The following ZNF503 variants were observed in gnomAD, a reference collection of about 807,000 sequenced individuals.
ZNF503 encodes NocA-like zinc finger 2.
In ZNF503, 15 loss-of-function variants were observed where a neutral mutation model predicts 34.4. The ratio of observed to expected loss-of-function variants is 0.44; its 90% CI spans 0.29 to 0.67. The LOEUF (loss-of-function observed/expected upper bound fraction) is 0.67. Ranked by LOEUF, ZNF503 falls within the 30% of genes least tolerant of loss-of-function variation. The pLI is 0.13. For missense variants in ZNF503, 1,007 were observed against 926.8 expected (o/e 1.09, Z -1.12); for synonymous variants, 580 against 456.8 (o/e 1.27, Z -3.44).
At chr10:75,333,558 C>G in the ZNF503 span, among the ~76,000 whole-genome samples, 99 of 78,838 alleles carry the variant, frequency 1.3e-3, no homozygotes, top group Non-Finnish European at 1.6e-3. Context: ...CCTCACCTCC[C>G]GGACGGGGCA....
the ZNF503 span, among the ~76,000 whole-genome samples, chr10:75,371,993 A>G: frequency 2.0e-5 from 3 of 152,296 alleles, no homozygotes; most frequent in East Asian, 1.9e-4. Flanking sequence ...GCAGTGGCAC[A>G]ATCTCTGCTC....
At chr10:75,299,912 A>G in the ZNF503 span, among the ~76,000 whole-genome samples, 88 of 152,364 alleles carry the variant, frequency 5.8e-4, no homozygotes, top group African/African-American at 2.0e-3. Context: ...CCACAGGACC[A>G]GGTTGAAATT....
chr10:75,359,727 A>G, the ZNF503 span, among the ~76,000 whole-genome samples: 5 of 152,320 alleles, frequency 3.3e-5, no homozygotes, highest in East Asian at 9.6e-4. Context: ...CATTTCAGCC[A>G]TGGGCATTAG....
the ZNF503 span, among the ~76,000 whole-genome samples, chr10:75,322,693 T>C: frequency 6.6e-6 from 1 of 152,046 alleles, no homozygotes; most frequent in East Asian, 1.9e-4. Context: ...ATAAAAAAAT[T>C]AGCTGAGCAT....
At chr10:75,338,427 A>T in the ZNF503 span, 1 of 152,260 alleles carries the variant, frequency 6.6e-6, no homozygotes, top group East Asian at 1.9e-4. Context: ...CAGATAAGTA[A>T]GGAGAAATAT....
the ZNF503 span, among the ~76,000 whole-genome samples, chr10:75,281,823 A>C: frequency 2.0e-5 from 3 of 152,146 alleles, no homozygotes; most frequent in African/African-American, 7.2e-5. Context: ...ACAAAGCACA[A>C]ATTCTCCCCC....
At position 75,399,662 on chromosome 10, in the gene ZNF503, T is replaced by C; in HGVS notation, c.1028A>G (p.Tyr343Cys). The stretch of plus-strand genomic sequence containing the variant: ...AGGGAACACTGTCTGGCCCGGCTTG[T>C]AGGGTGACACGGGAGCCACCAGCCC... ...GSGLVAPVSP[Y>C]KPGQTVFPLP... is the part of the protein sequence containing the mutation. Residue 343 changes from tyrosine to cysteine, a missense_variant, in exon 2 of 2, where the codon TAC becomes TGC. Physicochemically the swap from Tyr to Cys is radical, Grantham distance 194. Coordinates refer to ENST00000372524, the MANE Select transcript of ZNF503 (RefSeq NM_032772.6). 1 of 1,599,504 alleles carries C rather than the reference T, an allele frequency of 6.3e-7. No homozygotes were observed. Among genetic ancestry groups the C allele is most frequent in the Non-Finnish European group, 8.5e-7 (1 of 1,179,562 alleles).
At chr10:75,362,098 C>A in the ZNF503 span, among the ~76,000 whole-genome samples, 1 of 152,190 alleles carries the variant, frequency 6.6e-6, no homozygotes, top group Non-Finnish European at 1.5e-5. Flanking sequence ...ACAGTGTTGG[C>A]TTCTTAATAA....
the ZNF503 span, among the ~76,000 whole-genome samples, chr10:75,324,766 A>G: frequency 6.6e-6 from 1 of 152,206 alleles, no homozygotes; most frequent in Non-Finnish European, 1.5e-5. Context: ...AACAATCACC[A>G]CTATCTAATT....
the ZNF503 span, among the ~76,000 whole-genome samples, chr10:75,330,982 G>C: frequency 6.6e-6 from 1 of 152,042 alleles, no homozygotes; most frequent in East Asian, 1.9e-4. Context: ...GGGATGTATT[G>C]CTATTAAATT....
In ZNF503 at chr10:75,398,584, G is replaced by C. The variant is rs1843732547; in HGVS notation, c.*165C>G. The C allele has an allele frequency of 1.9e-6, 1 of 536,142 alleles. No homozygotes were observed. The highest frequency in any genetic ancestry group is 2.8e-6 in the Non-Finnish European group (1 of 352,310). 33.2% of individuals were successfully genotyped at this position (536,142 alleles called of 1,614,324 possible). On this transcript the variant is annotated 3_prime_UTR_variant, in exon 2 of 2. Coordinates refer to ENST00000372524, the MANE Select transcript of ZNF503 (RefSeq NM_032772.6). Reference sequence around the variant, plus strand: ...GAAGGGGAGTGTCCCACCGGGTCTCGGTCGCTGCTGTCGGGTAGATAGATA... The same window carrying C: ...GAAGGGGAGTGTCCCACCGGGTCTCCGTCGCTGCTGTCGGGTAGATAGATA...
At chr10:75,316,359 T>C in the ZNF503 span, among the ~76,000 whole-genome samples, 5 of 151,904 alleles carry the variant, frequency 3.3e-5, no homozygotes, top group East Asian at 9.6e-4. Context: ...CCTTTTTTTT[T>C]TTTTCTTTTT....
At chr10:75,372,151 C>T in the ZNF503 span, among the ~76,000 whole-genome samples, 2 of 152,198 alleles carry the variant, frequency 1.3e-5, no homozygotes, top group East Asian at 1.9e-4. Context: ...AGGCTGGTCT[C>T]GAACTCCTGA....
At chr10:75,391,006 T>C in the ZNF503 span, among the ~76,000 whole-genome samples, 1 of 152,194 alleles carries the variant, frequency 6.6e-6, no homozygotes, top group Admixed American at 6.5e-5. Context: ...TTCCTTTTCT[T>C]AGAAGGCCAC....
the ZNF503 span, chr10:75,279,905 A>C: frequency 6.6e-6 from 1 of 152,192 alleles, no homozygotes. Flanking sequence ...TGATAAGTGC[A>C]CTAAACCTAT....
chr10:75,360,950 G>A, the ZNF503 span: 1 of 152,218 alleles, frequency 6.6e-6, no homozygotes. Flanking sequence ...CAGGCCCTTG[G>A]GTGTGGGGAG....
chr10:75,334,823 C>A, the ZNF503 span, among the ~76,000 whole-genome samples: 3 of 152,208 alleles, frequency 2.0e-5, no homozygotes, highest in East Asian at 5.8e-4. Flanking sequence ...GATCCTTCAA[C>A]TGTTTGTGTG....
At chr10:75,288,154 T>C in the ZNF503 span, among the ~76,000 whole-genome samples, 1 of 152,226 alleles carries the variant, frequency 6.6e-6, no homozygotes, top group South Asian at 2.1e-4. Context: ...AGAGCCACAG[T>C]TACATTGGCA....
chr10:75,338,762 G>A, the ZNF503 span, among the ~76,000 whole-genome samples: 6 of 152,196 alleles, frequency 3.9e-5, no homozygotes, highest in Admixed American at 2.0e-4. Flanking sequence ...GGACATGCCT[G>A]TGGGAATCAT....
Sources: allele counts gnomAD v4.1 joint callset (sites outside exome capture counted in the v4.1 genomes callset), GRCh38; gene constraint gnomAD v4.1.1; transcripts MANE v1.5; gene names NCBI Gene and HGNC (gene_info 2026-07-23, HGNC 2026-07-21).